The following TESK1 variants were observed in gnomAD, a reference collection of about 807,000 sequenced individuals.
TESK1 encodes testis associated actin remodelling kinase 1.
TESK1 carries 18 observed loss-of-function variants against 59.9 expected under a neutral mutation model. The observed-to-expected ratio is 0.30, with a 90% CI of 0.21 to 0.45. The LOEUF (loss-of-function observed/expected upper bound fraction) is 0.45, where lower values mean the gene tolerates loss of function less well. TESK1 is among the 20% of genes least tolerant of loss of function. The probability of loss-of-function intolerance (pLI) is 1.00; values close to 1 mark genes in which losing one functional copy is unlikely to be tolerated. For synonymous variants in TESK1, 341 were observed against 357.4 expected (o/e 0.95, Z 0.52); for missense variants, 748 against 840.9 (o/e 0.89, Z 1.37).
In TESK1 at chr9:35,606,429, A is replaced by G. The variant is rs897201249; in HGVS notation, c.390+144A>G. ...GGGAGGCTTTCCTGAACTTTCCTTT[A>G]GGCAAACCACATATAAAAGGCCTCA... On this transcript the variant is annotated intron_variant, in intron 3 of 9. Transcript: ENST00000336395. 3 of 941,524 alleles carry G rather than the reference A, an allele frequency of 3.2e-6. No homozygotes were observed. The African/African-American group carries it at 4.9e-5, about 15-fold the overall frequency. 58.3% of individuals were successfully genotyped at this position (941,524 alleles called of 1,614,324 possible).
chr9:35,605,874 A>G (rs563173651), intron 1 of TESK1, 36 bp downstream of exon 1: 6 of 1,607,194 alleles, frequency 3.7e-6, no homozygotes, highest in Non-Finnish European at 5.1e-6. Flanking sequence ...GGCGGGACCG[A>G]GCCTTCAACC....
chr9:35,609,904 C>T lies in TESK1; in HGVS notation c.*162C>T, dbSNP rs926684616. 6.1e-6 allele frequency: 5 copies of T among 825,768 alleles called. No individual in the cohort carries two copies. The highest frequency in any genetic ancestry group is 2.1e-5 in the South Asian group (1 of 47,886). 51.2% of individuals were successfully genotyped at this position (825,768 alleles called of 1,614,324 possible). On this transcript the variant is annotated 3_prime_UTR_variant, in exon 10 of 10. Coordinates refer to ENST00000336395, the MANE Select transcript of TESK1 (RefSeq NM_006285.3). The surrounding 1 kb of genome is among the most constrained non-coding windows in gnomAD (Gnocchi z 6.7). ...ACTCAAGGGACAGAGCACTTCCAGT[C>T]GACCCCCCGGCTCGCGTTCCCGTGG...
chr9:35,606,168 A>G, intron 2 of TESK1, 63 bp downstream of exon 2: 1 of 1,614,092 alleles, frequency 6.2e-7, no homozygotes, highest in Non-Finnish European at 8.5e-7. Context: ...ATCCCGCGGG[A>G]AAAGTGGAAC....
rs1297051889 is a variant in TESK1, at chr9:35,606,118, A to G, written c.341+13A>G. The G allele has an allele frequency of 1.2e-6, 2 of 1,613,970 alleles. No homozygotes were observed. The highest frequency in any genetic ancestry group is 1.7e-5 in the Admixed American group (1 of 60,010). On this transcript the variant is annotated intron_variant, in intron 2 of 9. Coordinates refer to ENST00000336395, the MANE Select transcript of TESK1 (RefSeq NM_006285.3). ...CCAACATCCTAAGGTGAGCGGCCCC[A>G]GTCTCTGGGCAGCTTGCTGGGCGGG...
At position 35,608,945 on chromosome 9, in the gene TESK1, C is replaced by T. The variant is rs762300591; in HGVS notation, c.1084C>T (p.Pro362Ser). Reference protein sequence around the residue: ...LSRSRSDLFLPPSPESPPNWG... With the variant: ...LSRSRSDLFLSPSPESPPNWG... ...CCGAAGCCGGTCAGACCTCTTCCTG[C>T]CCCCATCACCAGAATCACCCCCCAA... The change falls in exon 10 of 10, where the codon CCC becomes TCC. Residue 362 changes from proline (P) to serine (S), a missense_variant. This residue lies in a region of TESK1 where 447 missense variants were observed against 466.1 expected (regional missense o/e 0.96). Coordinates refer to ENST00000336395, the MANE Select transcript of TESK1 (RefSeq NM_006285.3). 1.1e-5 allele frequency: 18 copies of T among 1,614,076 alleles called. No homozygotes were observed. In the South Asian group the frequency reaches 1.9e-4, roughly 17 times the overall value.
intron 3 of TESK1, 109 bp downstream of exon 3, chr9:35,606,394 CTCCTCTCAGGGGAGGCTT>C: frequency 7.4e-7 from 1 of 1,355,486 alleles, no homozygotes; most frequent in East Asian, 2.3e-5. Context: ...GCAACAGGAT[CTCCTCTCAGGGGAGGCTT>C]TCCTGAACTT....
rs1372106349 is a variant in TESK1, at chr9:35,608,877, G to T, written c.1016G>T (p.Gly339Val). 43 of 1,590,252 alleles carry T rather than the reference G, an allele frequency of 2.7e-5. No individual in the cohort carries two copies. The highest frequency in any genetic ancestry group is 3.2e-5 in the Non-Finnish European group (37 of 1,167,332). The change falls in exon 10 of 10, where the codon GGG becomes GTG. Residue 339 changes from glycine (G) to valine (V), a missense_variant. Around this residue, in one of 3 missense-constraint regions of TESK1, gnomAD observed 447 missense variants for 466.1 expected, o/e 0.96. Transcript: ENST00000336395. ...CTATCTACAGGCTCTGTTGCAAGAG[G>T]GGGTCCCTCTGCCACGCTTCCCAGG... ...LTHNQGSVAR[G>V]GPSATLPRPD...
rs755675303 is a variant in TESK1 at position 35,606,968 on chromosome 9, C to G, written c.522C>G (p.Arg174=). ...RYLHSKGVFH[R]DLTSKNCLVR... is the part of the protein sequence containing the mutation. ...TGCACTCCAAAGGTGTATTTCACCGCGACCTCACATCCAAGGTAGGCTAGC... is the reference window on the plus strand; with the variant it reads ...TGCACTCCAAAGGTGTATTTCACCGGGACCTCACATCCAAGGTAGGCTAGC... The change falls in exon 4 of 10, where the codon CGC becomes CGG. Residue 174 remains arginine, a synonymous_variant. Coordinates refer to ENST00000336395, the MANE Select transcript of TESK1 (RefSeq NM_006285.3). 5 of 1,599,594 alleles carry G rather than the reference C, an allele frequency of 3.1e-6. No individual in the cohort carries two copies. In the African/African-American group the frequency reaches 5.4e-5, roughly 17 times the overall value.
rs1822894780 is a variant in TESK1, at chr9:35,608,512, A to G, written c.1000+3A>G. On this transcript the variant is annotated splice_donor_region_variant and intron_variant, in intron 9 of 9. Transcript: ENST00000336395. ...GACCGCCCTGACACACAATCAGGGT[A>G]AGGGAGCCTGACCTTGATCCAGCTT... The G allele has an allele frequency of 1.2e-6, 2 of 1,612,030 alleles. No individual in the cohort carries two copies. The highest frequency in any genetic ancestry group is 2.2e-5 in the East Asian group (1 of 44,852).
chr9:35,607,729 A>G lies in TESK1; in HGVS notation c.711+57A>G. The G allele has an allele frequency of 2.0e-6, 3 of 1,489,388 alleles. No individual in the cohort carries two copies. The highest frequency in any genetic ancestry group is 1.7e-4 in the Middle Eastern group (1 of 5,780). The allele number at this position is 1,489,388 out of a possible 1,614,324, so 92.3% of individuals were successfully genotyped here. Reference sequence around the variant, plus strand: ...CTTCCGAGACCCTTGAGGTATTCTCATAAAGCCCCATCCATCCCCAAAACA... The same window carrying G: ...CTTCCGAGACCCTTGAGGTATTCTCGTAAAGCCCCATCCATCCCCAAAACA... On this transcript the variant is annotated intron_variant, in intron 6 of 9. Transcript: ENST00000336395. The surrounding 1 kb of genome is among the most constrained non-coding windows in gnomAD (Gnocchi z 4.5).
chr9:35,605,313 C>A lies in TESK1; in HGVS notation c.-307C>A, dbSNP rs1160012641. On this transcript the variant is annotated 5_prime_UTR_variant, in exon 1 of 10. Coordinates refer to ENST00000336395, the MANE Select transcript of TESK1 (RefSeq NM_006285.3). ...GAGCAGCCGCCGCCCGCCCGCCCGC[C>A]CGCCTCCGCCCGCGGCAAGCCAGCC... is the stretch of plus-strand genomic sequence containing the variant. 1 of 148,172 alleles carries A rather than the reference C, an allele frequency of 6.7e-6. No homozygotes were observed. The highest frequency in any genetic ancestry group is 2.4e-5 in the African/African-American group (1 of 40,930). 9.2% of individuals were successfully genotyped at this position (148,172 alleles called of 1,614,324 possible).
chr9:35,609,560 C>G lies in TESK1; in HGVS notation c.1699C>G (p.Pro567Ala). The change falls in exon 10 of 10, where the codon CCC (proline) becomes GCC (alanine). Residue 567 changes from proline to alanine, a missense_variant. Pro to Ala is a conservative substitution (Grantham distance 27). Transcript: ENST00000336395. This position sits in a 1 kb window ranked among gnomAD's most constrained non-coding sequence, Gnocchi z 6.7. Reference sequence around the variant, plus strand: ...TCCCCGGGAGCCCGATGAGGGGCTGCCCTGTCCTGGCTGCTGCCTCGGCCC... The same window carrying G: ...TCCCCGGGAGCCCGATGAGGGGCTGGCCTGTCCTGGCTGCTGCCTCGGCCC... ...SAPREPDEGLPCPGCCLGPFS... is the reference protein window; with the variant it reads ...SAPREPDEGLACPGCCLGPFS... 6.2e-7 allele frequency: 1 copy of G among 1,613,572 alleles called. No individual in the cohort carries two copies.
Position 35,609,864 on chromosome 9 carries a change from G to GGAGAA in TESK1, c.*125_*126insAAGAG. ...TGACCGGCTCTTCTCCCCGTGTAGG[G>GGAGAA]GAGCCCCAGCATGGACTCAAGGGAC... On this transcript the variant is annotated 3_prime_UTR_variant, in exon 10 of 10. Coordinates refer to ENST00000336395, the MANE Select transcript of TESK1 (RefSeq NM_006285.3). This position sits in a 1 kb window ranked among gnomAD's most constrained non-coding sequence, Gnocchi z 6.7. The GGAGAA allele has an allele frequency of 8.0e-7, 1 of 1,242,376 alleles. No homozygotes were observed. The highest frequency in any genetic ancestry group is 1.1e-6 in the Non-Finnish European group (1 of 925,656). 77.0% of individuals were successfully genotyped at this position (1,242,376 alleles called of 1,614,324 possible).
At position 35,609,373 on chromosome 9, in the gene TESK1, A is replaced by G; in HGVS notation, c.1512A>G (p.Gln504=). 2 of 1,611,982 alleles carry G rather than the reference A, an allele frequency of 1.2e-6. No homozygotes were observed. The highest frequency in any genetic ancestry group is 1.1e-5 in the South Asian group (1 of 90,878). ...TCAGCACCTGTTCCTCGGCCTCCCA[A>G]CCCTGGTCCCCTAGATCAGGACCCG... ...NFISTCSSAS[Q]PWSPRSGPVL... is the part of the protein sequence containing the mutation. The change falls in exon 10 of 10, where the codon CAA becomes CAG. Residue 504 remains glutamine, a synonymous_variant. Coordinates refer to ENST00000336395, the MANE Select transcript of TESK1 (RefSeq NM_006285.3). This position sits in a 1 kb window ranked among gnomAD's most constrained non-coding sequence, Gnocchi z 6.7.
rs370630299 is a variant in TESK1, at chr9:35,609,236, G to A, written c.1375G>A (p.Ala459Thr). The A allele has an allele frequency of 4.6e-5, 75 of 1,613,928 alleles. No homozygotes were observed. In the African/African-American group the frequency reaches 7.1e-4, roughly 15 times the overall value. The change falls in exon 10 of 10, where the codon GCT becomes ACT. Residue 459 changes from alanine (A) to threonine (T), a missense_variant. Ala to Thr is a moderately conservative substitution (Grantham distance 58, BLOSUM62 0). This residue lies in a region of TESK1 where 447 missense variants were observed against 466.1 expected (regional missense o/e 0.96). Transcript: ENST00000336395. The surrounding 1 kb of genome is among the most constrained non-coding windows in gnomAD (Gnocchi z 6.7). ...ETALPGPGPPAVGPSAEEKME... is the reference protein window; with the variant it reads ...ETALPGPGPPTVGPSAEEKME... ...AGCACTGCCAGGTCCTGGCCCTCCCGCTGTGGGCCCCTCGGCTGAAGAGAA... is the reference window on the plus strand; with the variant it reads ...AGCACTGCCAGGTCCTGGCCCTCCCACTGTGGGCCCCTCGGCTGAAGAGAA...
In TESK1 at chr9:35,607,572, G is replaced by A; in HGVS notation, c.621-10G>A. On this transcript the variant is annotated splice_polypyrimidine_tract_variant and intron_variant, in intron 5 of 9. Coordinates refer to ENST00000336395, the MANE Select transcript of TESK1 (RefSeq NM_006285.3). The surrounding 1 kb of genome is among the most constrained non-coding windows in gnomAD (Gnocchi z 4.5). ...GGATGCTTCTGACCACTCTGCCCCT[G>A]CCCCTGCAGGGAGGGGGCAAGGAAG... The A allele has an allele frequency of 1.2e-6, 2 of 1,609,080 alleles. No individual in the cohort carries two copies. The highest frequency in any genetic ancestry group is 1.7e-6 in the Non-Finnish European group (2 of 1,175,606).
chr9:35,607,530 G>A lies in TESK1; in HGVS notation c.621-52G>A. ...AGTTCACCTCATCCCCTTTTGCCTG[G>A]GGGGGATGCCTGAATAGGATGCTTC... On this transcript the variant is annotated intron_variant, in intron 5 of 9. Coordinates refer to ENST00000336395, the MANE Select transcript of TESK1 (RefSeq NM_006285.3). This position sits in a 1 kb window ranked among gnomAD's most constrained non-coding sequence, Gnocchi z 4.5. 1 of 1,579,014 alleles carries A rather than the reference G, an allele frequency of 6.3e-7. No individual in the cohort carries two copies. The highest frequency in any genetic ancestry group is 8.7e-7 in the Non-Finnish European group (1 of 1,148,866).
chr9:35,608,564 G>T, intron 9 of TESK1, 55 bp downstream of exon 9: 1 of 1,502,480 alleles, frequency 6.7e-7, no homozygotes, highest in Non-Finnish European at 9.2e-7. Context: ...GTCCTCCCTA[G>T]AATTCAGAGG....
chr9:35,608,816 G>A (rs762932958), intron 9 of TESK1, 46 bp from the exon 10 acceptor site: 25 of 1,533,742 alleles, frequency 1.6e-5, no homozygotes, highest in Admixed American at 2.0e-5. Context: ...TCAAGGAGCT[G>A]TGATCAAATG....
Sources: allele counts gnomAD v4.1 joint callset, GRCh38; gene constraint gnomAD v4.1.1; regional missense constraint gnomAD v4.1.1; non-coding constraint Gnocchi (gnomAD v3.1); transcripts MANE v1.5; gene names NCBI Gene and HGNC (gene_info 2026-07-23, HGNC 2026-07-21).